The following DST variants were observed in gnomAD, a reference collection of about 807,000 sequenced individuals.
The protein encoded by DST is bullous pemphigoid antigen.
DST carries 253 observed loss-of-function variants against 875.2 expected under a neutral mutation model. That is an observed-to-expected ratio of 0.29 (90% confidence interval 0.26 to 0.32). DST has a LOEUF of 0.32. Among genes scored for constraint, DST ranks in the 10% least tolerant of loss-of-function variants. The pLI is 1.00. For synonymous variants in DST, 3,124 were observed against 3,197.1 expected, an observed-to-expected ratio of 0.98 and a Z score of 0.77; for missense variants, 8,287 against 9,111.6, an observed-to-expected ratio of 0.91 and a Z score of 3.68.
rs2098828864 is a variant in DST at position 56,636,658 on chromosome 6, A to G, written c.2965-6T>C. On this transcript the variant is annotated splice_polypyrimidine_tract_variant and splice_region_variant and intron_variant, in intron 22 of 103. Transcript: ENST00000680361. ...TGCATTGCCGCTCTGTAGGCCTTAA[A>G]GATAAAACAGAGCCATCATAACTGA... 6.2e-7 allele frequency: 1 copy of G among 1,611,150 alleles called. No homozygotes were observed. The highest frequency in any genetic ancestry group is 8.5e-7 in the Non-Finnish European group (1 of 1,178,194).
At chr6:56,619,239 T>C (rs763443550) in intron 36 of DST, 1 of 1,613,514 alleles carries the variant, frequency 6.2e-7, no homozygotes, top group Non-Finnish European at 8.5e-7. Flanking sequence ...AAAACTATAT[T>C]CTCTGATTCT....
At chr6:56,556,906 T>G (rs2097430186) in intron 59 of DST, among the ~76,000 whole-genome samples, 1 of 152,194 alleles carries the variant, frequency 6.6e-6, no homozygotes, top group African/African-American at 2.4e-5. Flanking sequence ...GTTTTACAAG[T>G]TTCATTATCT....
At position 56,815,434 on chromosome 6, in the gene DST, C is replaced by A. The variant is rs767146172; in HGVS notation, c.625+35963G>T. ...ACAGCTTTAGTATATCATATCTACA[C>A]TGAGCAAATTAATTAAGCACTGTAT... On this transcript the variant is annotated intron_variant, in intron 4 of 103. Transcript: ENST00000680361. Among the ~76,000 whole-genome samples, 41 of 152,334 alleles carry A rather than the reference C, an allele frequency of 2.7e-4. 1 individual carries two copies. The highest frequency in any genetic ancestry group is 2.2e-3 in the Admixed American group (33 of 15,308).
At chr6:56,670,876 G>A (rs2152828441) in intron 9 of DST, 69 bp from the exon 10 acceptor site, 1 of 1,055,066 alleles carries the variant, frequency 9.5e-7, no homozygotes, top group East Asian at 2.7e-5. Flanking sequence ...AACCTACTAT[G>A]TGCCAAGCAC....
chr6:56,517,310 G>T lies in DST; in HGVS notation c.18250-5C>A. 1.2e-6 allele frequency: 2 copies of T among 1,605,168 alleles called. No homozygotes were observed. The highest frequency in any genetic ancestry group is 8.5e-7 in the Non-Finnish European group (1 of 1,173,664). On this transcript the variant is annotated splice_region_variant and splice_polypyrimidine_tract_variant and intron_variant, in intron 70 of 103. Coordinates refer to ENST00000680361, the MANE Select transcript of DST (RefSeq NM_001374736.1). ...CAAAATCTCCATGGTGAATGTCTGTGATTTACCAAAATAAAGACAAAAAAT... is the reference window on the plus strand; with the variant it reads ...CAAAATCTCCATGGTGAATGTCTGTTATTTACCAAAATAAAGACAAAAAAT...
chr6:56,854,042 T>G (rs1363261711), intron 3 of DST, among the ~76,000 whole-genome samples: 1 of 152,204 alleles, frequency 6.6e-6, no homozygotes, highest in Admixed American at 6.5e-5. Context: ...AAAATTTTCA[T>G]GAATACTTTT....
chr6:56,544,539 C>T lies in DST; in HGVS notation c.16609-7599G>A, dbSNP rs530384298. On this transcript the variant is annotated intron_variant, in intron 61 of 103. Coordinates refer to ENST00000680361, the MANE Select transcript of DST (RefSeq NM_001374736.1). ...GATTCAAAAAAATAGCACTCACTGTCTGCCAAACAACATGTAAGCACTGGA... is the reference window on the plus strand; with the variant it reads ...GATTCAAAAAAATAGCACTCACTGTTTGCCAAACAACATGTAAGCACTGGA... Among the ~76,000 whole-genome samples the T allele has an allele frequency of 2.6e-5, 4 of 152,312 alleles. No homozygotes were observed. In the South Asian group the frequency reaches 8.3e-4, roughly 32 times the overall value.
In DST at chr6:56,598,467, A is replaced by T; in HGVS notation, c.11928+9T>A. The T allele has an allele frequency of 6.5e-7, 1 of 1,526,870 alleles. No homozygotes were observed. Among genetic ancestry groups the T allele is most frequent in the Non-Finnish European group, 8.8e-7 (1 of 1,132,010 alleles). The allele number at this position is 1,526,870 out of a possible 1,614,324, so 94.6% of individuals were successfully genotyped here. ...ATAGCAATAGTGCACCACATATTTG[A>T]ATAAGGACCTTTTCAGTTTCTTCCT... On this transcript the variant is annotated intron_variant, in intron 46 of 103. Coordinates refer to ENST00000680361, the MANE Select transcript of DST (RefSeq NM_001374736.1).
Position 56,517,484 on chromosome 6 carries a change from G to T in DST, c.18249+17C>A. On this transcript the variant is annotated intron_variant, in intron 70 of 103. Coordinates refer to ENST00000680361, the MANE Select transcript of DST (RefSeq NM_001374736.1). ...CAGCAAATAATTCATATGGCAATTG[G>T]AAATGTATTTCTTCACCTTTTGAAC... 3 of 1,609,762 alleles carry T rather than the reference G, an allele frequency of 1.9e-6. No homozygotes were observed. The highest frequency in any genetic ancestry group is 2.5e-6 in the Non-Finnish European group (3 of 1,177,720).
rs1465212807 is a variant in DST, at chr6:56,570,064, AAATT to A, written c.13722-56_13722-53del. 11 of 1,268,456 alleles carry A rather than the reference AAATT, an allele frequency of 8.7e-6. No homozygotes were observed. The African/African-American group carries it at 1.4e-4, about 16-fold the overall frequency. 78.6% of individuals were successfully genotyped at this position (1,268,456 alleles called of 1,614,324 possible). On this transcript the variant is annotated intron_variant, in intron 53 of 103. Transcript: ENST00000680361. ...TTAAGTCACAGAAAGAAGAATAAAT[AAATT>A]ATTATTCTCATGTCACACAATGTTA... is the stretch of plus-strand genomic sequence containing the variant.
rs2099123707 is a variant in DST, at chr6:56,675,479, G to GA, written c.1048-4673dup. Among the ~76,000 whole-genome samples the GA allele has an allele frequency of 3.3e-5, 5 of 152,060 alleles. No individual in the cohort carries two copies. The South Asian group carries it at 1.0e-3, about 32-fold the overall frequency. ...CAAAGAAACACATTACAGAATGGGA[G>GA]AAAATATGTGCAAACCATTCATCTT... On this transcript the variant is annotated intron_variant, in intron 9 of 103. Transcript: ENST00000680361.
intron 4 of DST, among the ~76,000 whole-genome samples, chr6:56,756,729 A>G (rs2099604778): frequency 6.6e-6 from 1 of 152,240 alleles, no homozygotes; most frequent in Non-Finnish European, 1.5e-5. Flanking sequence ...GCCACATCAG[A>G]CTATGCTTTA....
chr6:56,735,435 G>A, intron 4 of DST, 146 bp from the exon 5 acceptor site: 1 of 606,366 alleles, frequency 1.6e-6, no homozygotes, highest in Admixed American at 3.0e-5. Flanking sequence ...GGCAACTTCA[G>A]GCTATCTGTA....
At position 56,638,064 on chromosome 6, in the gene DST, T is replaced by C. The variant is rs368038101; in HGVS notation, c.2964+1195A>G. On this transcript the variant is annotated intron_variant, in intron 22 of 103. Transcript: ENST00000680361. ...GACACAGGACAGGCCGATGGGATCATAAAGATGACTAAGGTTTCATTTTAC... is the reference window on the plus strand; with the variant it reads ...GACACAGGACAGGCCGATGGGATCACAAAGATGACTAAGGTTTCATTTTAC... Among the ~76,000 whole-genome samples the C allele has an allele frequency of 5.3e-5, 8 of 152,242 alleles. No individual in the cohort carries two copies. The East Asian group carries it at 1.2e-3, about 22-fold the overall frequency.
chr6:56,646,366 T>C (rs2098942644), intron 13 of DST, among the ~76,000 whole-genome samples, 184 bp from the exon 14 acceptor site: 1 of 152,166 alleles, frequency 6.6e-6, no homozygotes, highest in Non-Finnish European at 1.5e-5. Flanking sequence ...TATCTAAAAT[T>C]TGATGAGGGT....
chr6:56,748,757 G>GA (rs1031365729), intron 4 of DST, among the ~76,000 whole-genome samples: 1 of 152,102 alleles, frequency 6.6e-6, no homozygotes, highest in African/African-American at 2.4e-5. Flanking sequence ...TGTAAGCAAG[G>GA]AAACAGCAGA....
At chr6:56,526,679 C>T in intron 68 of DST, 112 bp from the exon 69 acceptor site, 1 of 872,352 alleles carries the variant, frequency 1.1e-6, no homozygotes. Context: ...CTTTGCCCCA[C>T]TCCCCCCCTC....
At chr6:56,721,215 A>C (rs34463732) in intron 5 of DST, among the ~76,000 whole-genome samples, 1 of 96,928 alleles carries the variant, frequency 1.0e-5, no homozygotes, top group Non-Finnish European at 2.2e-5. Flanking sequence ...CAGATGGGGC[A>C]GCTGCCAGGC....
intron 10 of DST, among the ~76,000 whole-genome samples, chr6:56,668,448 G>T (rs1168719075): frequency 6.6e-6 from 1 of 152,092 alleles, no homozygotes; most frequent in East Asian, 1.9e-4. Flanking sequence ...GGCCAGGCAT[G>T]GTGGCTCACG....
Sources: gnomAD v4.1 joint callset for allele counts (sites outside exome capture counted in the v4.1 genomes callset) on GRCh38, gnomAD v4.1.1 for gene constraint, MANE v1.5 for transcripts, NCBI Gene and HGNC (gene_info 2026-07-23, HGNC 2026-07-21) for gene names.